HELZ2: variants seen among roughly 807,000 people sequenced by gnomAD.
HELZ2 encodes helicase with zinc finger 2, also known as 3'-5' exoribonuclease HELZ2.
A neutral mutation model predicts 208.8 loss-of-function variants in HELZ2; 143 were observed. The observed-to-expected ratio is 0.68, with a 90% CI of 0.60 to 0.79. The LOEUF is 0.79. Ranked by LOEUF, HELZ2 falls within the 30% of genes least tolerant of loss-of-function variation. The pLI, the probability that HELZ2 is intolerant of heterozygous loss-of-function variation, is 0.00. For synonymous variants in HELZ2, 1,705 were observed against 1,693.7 expected (o/e 1.01, Z -0.16); for missense variants, 3,690 against 3,794.5 (o/e 0.97, Z 0.72).
chr20:63,570,781 CA>C lies in HELZ2; in HGVS notation c.365del (p.Val122GlyfsTer49), dbSNP rs1463630626. On this transcript the variant is annotated frameshift_variant, in exon 2 of 19. Coordinates refer to ENST00000467148, the Ensembl canonical transcript of HELZ2. LOFTEE classifies it high-confidence loss of function. ...GCCAGGCCGCCTGCCCCCGCAGCTC[CA>C]CAGCCTGCGTGCGCCGGACCCACTC... The C allele has an allele frequency of 6.2e-7, 1 of 1,611,052 alleles. No individual in the cohort carries two copies. The highest frequency in any genetic ancestry group is 8.5e-7 in the Non-Finnish European group (1 of 1,179,330).
chr20:63,562,451 C>A (rs1228759989), intron 8 of HELZ2, 69 bp from the exon 10 acceptor site: 4 of 1,523,136 alleles, frequency 2.6e-6, no homozygotes, highest in East Asian at 2.4e-5. Context: ...CCCACGAGCT[C>A]CCCCCTCCTG....
exon 8 of HELZ2, chr20:63,563,388 G>C (rs1435433841): frequency 6.5e-7 from 1 of 1,536,668 alleles, no homozygotes; most frequent in Non-Finnish European, 8.7e-7. Flanking sequence ...ACAGTGCCAG[G>C]CAGTGGCAGG....
chr20:63,572,321 G>C, exon 1 of HELZ2: 1 of 1,586,634 alleles, frequency 6.3e-7, no homozygotes, highest in South Asian at 1.1e-5. Flanking sequence ...GCCATCAGGG[G>C]CAGGGGGTGT....
intron 5 of HELZ2, 72 bp downstream of exon 6, chr20:63,568,286 G>T (rs2082983015): frequency 8.6e-7 from 1 of 1,165,750 alleles, no homozygotes; most frequent in African/African-American, 1.5e-5. Flanking sequence ...ACATCCAGGG[G>T]GTGACCGCCT....
Position 63,568,802 on chromosome 20 carries a change from G to A in HELZ2, c.1286C>T (p.Thr429Met), listed in dbSNP as rs143856522. Residue 429 changes from threonine (T) to methionine (M), a missense_variant, in exon 5 of 19, where the codon ACG becomes ATG. Thr to Met is a moderately conservative substitution (Grantham distance 81). This residue lies in a region of HELZ2 where 1,119 missense variants were observed against 1,193.4 expected (regional missense o/e 0.94). Transcript: ENST00000467148. Reference sequence around the variant, plus strand: ...CCTCTCCAGCCGCACCTCGAACACCGTATTGTCGGGTGCAGGTACAGGGGC... The same window carrying A: ...CCTCTCCAGCCGCACCTCGAACACCATATTGTCGGGTGCAGGTACAGGGGC... 9.9e-5 allele frequency: 159 copies of A among 1,612,022 alleles called. 1 individual carries two copies. The African/African-American group carries it at 1.6e-3, about 17-fold the overall frequency.
At position 63,569,329 on chromosome 20, in the gene HELZ2, GC is replaced by G; in HGVS notation, c.906del (p.Pro303LeufsTer12). ...TGCTCGGCCGTCCGCTCCACGCCAGGCACCACGTGGCGGTTGCCAGTGTGCC... is the reference window on the plus strand; with the variant it reads ...TGCTCGGCCGTCCGCTCCACGCCAGGACCACGTGGCGGTTGCCAGTGTGCC... On this transcript the variant is annotated frameshift_variant, in exon 4 of 19. Transcript: ENST00000467148. LOFTEE classifies it high-confidence loss of function. 1.9e-6 allele frequency: 3 copies of G among 1,595,666 alleles called. No individual in the cohort carries two copies. The highest frequency in any genetic ancestry group is 2.6e-6 in the Non-Finnish European group (3 of 1,170,376).
At chr20:63,561,111 G>A (rs1260997887) in exon 14 of HELZ2, 4 of 1,612,666 alleles carry the variant, frequency 2.5e-6, no homozygotes, top group East Asian at 2.2e-5. Context: ...TGCACCAGGG[G>A]GATGAGGGTT....
At chr20:63,563,370 G>A in exon 8 of HELZ2, 1 of 1,537,362 alleles carries the variant, frequency 6.5e-7, no homozygotes, top group African/African-American at 1.4e-5. Context: ...AGGGTGTGTG[G>A]GTCCGGCACA....
Position 63,565,251 on chromosome 20 carries a change from CG to C in HELZ2, c.3570del (p.Val1191CysfsTer5). On this transcript the variant is annotated frameshift_variant, in exon 8 of 19. Transcript: ENST00000467148. LOFTEE classifies it high-confidence loss of function. ...CTCTTCCTCTTCAGCACGCCCAGCA[CG>C]CGGCCCCGAAGCCGCCCCTCGGGCG... 1 of 1,607,188 alleles carries C rather than the reference CG, an allele frequency of 6.2e-7. No homozygotes were observed.
At chr20:63,558,110 T>C (rs1428479574), downstream of HELZ2, 5 of 152,742 alleles carry the variant, frequency 3.3e-5, no homozygotes, top group East Asian at 9.4e-4. Context: ...AGAGTGGTTT[T>C]ATCATTAAAT....
chr20:63,565,706 C>T lies in HELZ2; in HGVS notation c.3116G>A (p.Cys1039Tyr), dbSNP rs778385003. 3.1e-6 allele frequency: 5 copies of T among 1,607,738 alleles called. No individual in the cohort carries two copies. The African/African-American group carries it at 4.0e-5, about 13-fold the overall frequency. ...CGCTGCAGCAGCCGCTCCTGCCGCA[C>T]AGGCCCCGGGCACCACGTCTTCCTT... The change falls in exon 8 of 19, where the codon TGT becomes TAT. Residue 1039 changes from cysteine to tyrosine, a missense_variant. This residue lies in a region of HELZ2 where 2,564 missense variants were observed against 2,580.5 expected (regional missense o/e 0.99). Transcript: ENST00000467148.
exon 6 of HELZ2, chr20:63,567,611 T>G: frequency 6.2e-7 from 1 of 1,600,944 alleles, no homozygotes. Context: ...TACTCCCGGA[T>G]GTAGATGTCG....
intron 1 of HELZ2, 99 bp downstream of exon 2, chr20:63,572,009 G>A (rs1219629006): frequency 8.8e-6 from 12 of 1,362,620 alleles, no homozygotes; most frequent in South Asian, 5.9e-5. Context: ...GGCTCTGCCT[G>A]TGGTGGGCTC....
At chr20:63,560,280 C>T (rs1402403674) in exon 17 of HELZ2, 6 of 1,565,232 alleles carry the variant, frequency 3.8e-6, no homozygotes, top group African/African-American at 1.4e-5. Flanking sequence ...CGGCGATGTC[C>T]TGGGGCTCTA....
exon 8 of HELZ2, chr20:63,563,018 T>C: frequency 6.2e-7 from 1 of 1,600,482 alleles, no homozygotes; most frequent in South Asian, 1.1e-5. Flanking sequence ...CACGTCGCGG[T>C]ACCGGTCCCT....
rs145898917 is a variant in HELZ2, at chr20:63,566,934, G to T, written c.2424C>A (p.Val808=). 56 of 1,610,578 alleles carry T rather than the reference G, an allele frequency of 3.5e-5. No individual in the cohort carries two copies. In the African/African-American group the frequency reaches 6.7e-4, roughly 19 times the overall value. ...TGTTGTAGGCCTCCTGCACCTTCTCGACGACCTGCGCAATCTCAGCCAGAT... is the reference window on the plus strand; with the variant it reads ...TGTTGTAGGCCTCCTGCACCTTCTCTACGACCTGCGCAATCTCAGCCAGAT... Residue 808 remains valine, a synonymous_variant, in exon 6 of 19, where the codon GTC becomes GTA. Transcript: ENST00000467148.
chr20:63,569,476 C>T (rs748557648), exon 4 of HELZ2: 2 of 1,611,502 alleles, frequency 1.2e-6, no homozygotes, highest in Non-Finnish European at 8.5e-7. Context: ...AAGTCGAAGA[C>T]CACCCATTGC....
intron 2 of HELZ2, 34 bp downstream of exon 3, chr20:63,570,651 C>A: frequency 6.5e-7 from 1 of 1,535,338 alleles, no homozygotes; most frequent in Non-Finnish European, 8.9e-7. Flanking sequence ...GCCTGGACCC[C>A]ACCCCACCCC....
rs1427113931 is a variant in HELZ2, at chr20:63,570,282, A to G, written c.570+222T>C. 4 of 686,320 alleles carry G rather than the reference A, an allele frequency of 5.8e-6. No individual in the cohort carries two copies. In the East Asian group the frequency reaches 1.2e-4, roughly 20 times the overall value. The allele number at this position is 686,320 out of a possible 1,614,324, so 42.5% of individuals were successfully genotyped here. On this transcript the variant is annotated intron_variant, in intron 3 of 18. Transcript: ENST00000467148. ...GCCAAATCCTTGTTTTAACCCATAT[A>G]CTCCATAGAATAACCCTGCCAAGGT...
Sources: allele counts gnomAD v4.1 joint callset, GRCh38; gene constraint gnomAD v4.1.1; regional missense constraint gnomAD v4.1.1; transcripts MANE v1.5; gene names NCBI Gene and HGNC (gene_info 2026-07-23, HGNC 2026-07-21).